Variants in DSCAM observed in about 807,000 individuals in gnomAD.
DSCAM encodes the protein DS cell adhesion molecule, also known as cell adhesion molecule DSCAM.
Under a neutral mutation model 217.7 loss-of-function variants are expected in DSCAM, and 47 were observed. That is an observed-to-expected ratio of 0.22 (90% CI 0.17 to 0.28). The LOEUF is 0.28. Among genes scored for constraint, DSCAM ranks in the 10% least tolerant of loss-of-function variants. The probability of loss-of-function intolerance (pLI) is 1.00; values close to 1 mark genes in which losing one functional copy is unlikely to be tolerated. For synonymous variants in DSCAM, 1,056 were observed against 1,015.3 expected (o/e 1.04, Z -0.76); for missense variants, 2,080 against 2,618.3 (o/e 0.79, Z 4.49).
In DSCAM at chr21:40,122,499, A is replaced by C. The variant is rs940405344; in HGVS notation, c.3696+1696T>G. Among the ~76,000 whole-genome samples, 8 of 152,168 alleles carry C rather than the reference A, an allele frequency of 5.3e-5. No homozygotes were observed. In the South Asian group the frequency reaches 1.7e-3, roughly 32 times the overall value. On this transcript the variant is annotated intron_variant, in intron 20 of 32. Coordinates refer to ENST00000400454, the MANE Select transcript of DSCAM (RefSeq NM_001389.5). ...AATGAGTATACTTTATTTCAGCAAT[A>C]ATTTTTGTCTCTCTTTGGTGAATAC... is the stretch of plus-strand genomic sequence containing the variant.
intron 30 of DSCAM, among the ~76,000 whole-genome samples, chr21:40,046,525 G>A (rs2088843421): frequency 6.6e-6 from 1 of 152,110 alleles, no homozygotes; most frequent in Non-Finnish European, 1.5e-5. Context: ...TAGGAAAGAG[G>A]CCCTCAAAAA....
At position 40,767,280 on chromosome 21, in the gene DSCAM, A is replaced by C. The variant is rs185913482; in HGVS notation, c.44-58509T>G. 7.5e-3 allele frequency among the ~76,000 whole-genome samples: 1,140 copies of C among 152,188 alleles called. 16 individuals carry two copies. Among genetic ancestry groups the C allele is most frequent in the African/African-American group, 0.026 (1,086 of 41,536 alleles). ...CAGGTAGTGGGTCTCACATGAAAAA[A>C]TTTCAATCTGAAATAAGGGTCGTAG... On this transcript the variant is annotated intron_variant, in intron 1 of 32. Transcript: ENST00000400454.
intron 32 of DSCAM, among the ~76,000 whole-genome samples, chr21:40,041,836 C>T (rs2088756691): frequency 6.6e-6 from 1 of 152,142 alleles, no homozygotes; most frequent in Non-Finnish European, 1.5e-5. Context: ...TAAAATACAG[C>T]CCTCACATTT....
In DSCAM at chr21:40,186,542, G is replaced by A. The variant is rs142299016; in HGVS notation, c.2779+589C>T. 3.3e-3 allele frequency among the ~76,000 whole-genome samples: 497 copies of A among 152,312 alleles called. 5 individuals are homozygous for A. Among genetic ancestry groups the A allele is most frequent in the Middle Eastern group, 0.01 (3 of 294 alleles). On this transcript the variant is annotated intron_variant, in intron 14 of 32. Coordinates refer to ENST00000400454, the MANE Select transcript of DSCAM (RefSeq NM_001389.5). ...GCAATGAATGGGCACACCTGCAGCG[G>A]CCCTGGCAGCAGGGTCAGTTTTATT...
chr21:40,424,346 T>G (rs981591799), intron 3 of DSCAM, among the ~76,000 whole-genome samples: 1 of 152,142 alleles, frequency 6.6e-6, no homozygotes, highest in African/African-American at 2.4e-5. Flanking sequence ...AGTGGTGTCC[T>G]TATAGAATGG....
At chr21:40,313,648 A>G (rs1453612644) in intron 8 of DSCAM, among the ~76,000 whole-genome samples, 1 of 152,108 alleles carries the variant, frequency 6.6e-6, no homozygotes, top group African/African-American at 2.4e-5. Flanking sequence ...GGGAAAAGTG[A>G]TACTCAAAGA....
At chr21:40,644,295 TG>T (rs1367685723) in intron 3 of DSCAM, among the ~76,000 whole-genome samples, 1 of 152,206 alleles carries the variant, frequency 6.6e-6, no homozygotes, top group African/African-American at 2.4e-5. Context: ...AAGCAGTGTT[TG>T]GTGAGTCAAG....
intron 5 of DSCAM, 53 bp from the exon 6 acceptor site, chr21:40,347,998 C>T: frequency 6.4e-7 from 1 of 1,550,696 alleles, no homozygotes; most frequent in Admixed American, 1.9e-5. Flanking sequence ...CACTAGATAG[C>T]ATTTCGACAA....
intron 32 of DSCAM, among the ~76,000 whole-genome samples, chr21:40,030,782 G>A (rs1440439557): frequency 6.6e-6 from 1 of 152,098 alleles, no homozygotes; most frequent in Non-Finnish European, 1.5e-5. Context: ...GGCTCTTATA[G>A]AATTTCAGTG....
intron 4 of DSCAM, among the ~76,000 whole-genome samples, chr21:40,356,402 T>C (rs886979051): frequency 2.0e-5 from 3 of 151,470 alleles, no homozygotes; most frequent in African/African-American, 4.8e-5. Context: ...TATATATATA[T>C]ATATATGCAC....
At chr21:40,084,094 C>G (rs767280484) in intron 23 of DSCAM, 88 bp from the exon 24 acceptor site, 3 of 998,220 alleles carry the variant, frequency 3.0e-6, no homozygotes, top group African/African-American at 1.7e-5. Flanking sequence ...TCATTTTTAA[C>G]AGCCATTTAT....
At chr21:40,019,828 T>C (rs2088229604) in intron 32 of DSCAM, among the ~76,000 whole-genome samples, 1 of 152,174 alleles carries the variant, frequency 6.6e-6, no homozygotes, top group Non-Finnish European at 1.5e-5. Flanking sequence ...TATGACAAAA[T>C]TCACTTATAT....
intron 17 of DSCAM, among the ~76,000 whole-genome samples, chr21:40,143,883 A>T (rs1048617192): frequency 3.9e-5 from 6 of 152,188 alleles, no homozygotes; most frequent in Non-Finnish European, 8.8e-5. Context: ...TGCTACAAAT[A>T]ACCCCATATC....
At chr21:40,284,693 T>C (rs1360202229) in intron 10 of DSCAM, among the ~76,000 whole-genome samples, 1 of 152,190 alleles carries the variant, frequency 6.6e-6, no homozygotes, top group Non-Finnish European at 1.5e-5. Context: ...AGCATCTTAG[T>C]TCCTACACTT....
In DSCAM at chr21:40,144,143, GAA is replaced by G. The variant is rs778120899; in HGVS notation, c.3259+346_3259+347del. Among the ~76,000 whole-genome samples the G allele has an allele frequency of 7.0e-4, 106 of 152,348 alleles. No individual in the cohort carries two copies. The highest frequency in any genetic ancestry group is 1.2e-3 in the Non-Finnish European group (81 of 68,040). ...TAAAAAACCTTCTTAACATTTGGGA[GAA>G]AGTTTTTTAGCAAATAGCATTTCTG... On this transcript the variant is annotated intron_variant, in intron 17 of 32. Coordinates refer to ENST00000400454, the MANE Select transcript of DSCAM (RefSeq NM_001389.5). This position sits in a 1 kb window ranked among gnomAD's most constrained non-coding sequence, Gnocchi z 4.8.
chr21:40,220,860 G>A lies in DSCAM; in HGVS notation c.2357-31622C>T, dbSNP rs946807481. Among the ~76,000 whole-genome samples, 6 of 152,242 alleles carry A rather than the reference G, an allele frequency of 3.9e-5. No individual in the cohort carries two copies. The East Asian group carries it at 7.7e-4, about 20-fold the overall frequency. On this transcript the variant is annotated intron_variant, in intron 11 of 32. Transcript: ENST00000400454. The stretch of plus-strand genomic sequence containing the variant: ...AAAAGGTGGTCATTTATCCTTCTGC[G>A]CTCATCACTGTGCTCACTGGGCCAC...
intron 25 of DSCAM, among the ~76,000 whole-genome samples, chr21:40,079,908 G>A (rs562454841): frequency 1.6e-4 from 25 of 152,022 alleles, no homozygotes; most frequent in Admixed American, 7.2e-4. Context: ...TCACACCAAC[G>A]CCCTTGATTT....
chr21:40,340,140 A>C (rs921220866), intron 6 of DSCAM, among the ~76,000 whole-genome samples: 3 of 152,118 alleles, frequency 2.0e-5, no homozygotes, highest in African/African-American at 7.2e-5. Context: ...ATCTCTCTAA[A>C]AGTATCTTAA....
intron 19 of DSCAM, among the ~76,000 whole-genome samples, chr21:40,130,221 C>T (rs999557772): frequency 3.3e-5 from 5 of 152,192 alleles, no homozygotes; most frequent in Admixed American, 1.3e-4. Flanking sequence ...TCTTTCCTTA[C>T]GGCTTGACTC....
Sources: allele counts gnomAD v4.1 joint callset (sites outside exome capture counted in the v4.1 genomes callset), GRCh38; gene constraint gnomAD v4.1.1; non-coding constraint Gnocchi (gnomAD v3.1); transcripts MANE v1.5; gene names NCBI Gene and HGNC (gene_info 2026-07-23, HGNC 2026-07-21).